SH3PXD2A: variants seen among roughly 807,000 people sequenced by gnomAD.
The protein encoded by SH3PXD2A is SH3 and PX domain-containing protein 2A.
SH3PXD2A carries 32 observed loss-of-function variants against 115.2 expected under a neutral mutation model. The ratio of observed to expected loss-of-function variants is 0.28; its 90% CI spans 0.21 to 0.37. SH3PXD2A has a LOEUF of 0.37. Ranked by LOEUF, SH3PXD2A falls within the 10% of genes least tolerant of loss-of-function variation. The pLI, the probability that SH3PXD2A is intolerant of heterozygous loss-of-function variation, is 1.00. For synonymous variants in SH3PXD2A, 610 were observed against 629.1 expected, an observed-to-expected ratio of 0.97 and a Z score of 0.45; for missense variants, 1,328 against 1,498.7, an observed-to-expected ratio of 0.89 and a Z score of 1.88.
chr10:103,825,461 TA>T (rs1432485180), intron 1 of SH3PXD2A, among the ~76,000 whole-genome samples: 1 of 152,234 alleles, frequency 6.6e-6, no homozygotes, highest in African/African-American at 2.4e-5. Flanking sequence ...TTGATGCTAA[TA>T]AAAATGGAAT....
In SH3PXD2A at chr10:103,594,989, T is replaced by C. The variant is rs772712345; in HGVS notation, c.*6827A>G. On this transcript the variant is annotated 3_prime_UTR_variant, in exon 15 of 15. Transcript: ENST00000369774. ...CTGTATGACCCATTGTGGTCACTGC[T>C]CTTTGAGCCATACAACTTGAGAGAC... 2.6e-5 allele frequency: 4 copies of C among 152,224 alleles called. No homozygotes were observed. Among genetic ancestry groups the C allele is most frequent in the African/African-American group, 4.8e-5 (2 of 41,450 alleles). The allele number at this position is 152,224 out of a possible 1,614,324, so 9.4% of individuals were successfully genotyped here.
Position 103,668,644 on chromosome 10 carries a change from A to G in SH3PXD2A, c.436T>C (p.Ser146Pro). 1 of 1,560,106 alleles carries G rather than the reference A, an allele frequency of 6.4e-7. No individual in the cohort carries two copies. Among genetic ancestry groups the G allele is most frequent in the South Asian group, 1.2e-5 (1 of 84,600 alleles). Residue 146 changes from serine (S) to proline (P), a missense_variant, in exon 7 of 15, where the codon TCC becomes CCC. Coordinates refer to ENST00000369774, the MANE Select transcript of SH3PXD2A (RefSeq NM_001394015.1). ...GSSKRKSVWL[S>P]SWAESPKKDV... ...TTCTTGGGCGACTCAGCCCAGCTGGACAGCCACACTTCCGAGTCCCCGAGA... is the reference window on the plus strand; with the variant it reads ...TTCTTGGGCGACTCAGCCCAGCTGGGCAGCCACACTTCCGAGTCCCCGAGA...
intron 1 of SH3PXD2A, among the ~76,000 whole-genome samples, chr10:103,814,018 A>C (rs1341452261): frequency 7.1e-6 from 1 of 141,600 alleles, no homozygotes; most frequent in Non-Finnish European, 1.5e-5. Context: ...AAAAAAAACA[A>C]CAAAAAAAAA....
At chr10:103,636,363 C>T (rs1033743801) in intron 8 of SH3PXD2A, among the ~76,000 whole-genome samples, 12 of 148,960 alleles carry the variant, frequency 8.1e-5, no homozygotes, top group Admixed American at 3.4e-4. Flanking sequence ...GAGTCGAGAT[C>T]GTACCACTGC....
intron 1 of SH3PXD2A, among the ~76,000 whole-genome samples, chr10:103,827,159 C>T (rs912975342): frequency 1.7e-4 from 26 of 152,206 alleles, no homozygotes; most frequent in African/African-American, 5.8e-4. Context: ...GTCACCTCTT[C>T]GGAGCCATGG....
chr10:103,854,647 T>A (rs1842923670), intron 1 of SH3PXD2A, among the ~76,000 whole-genome samples: 1 of 152,124 alleles, frequency 6.6e-6, no homozygotes, highest in Non-Finnish European at 1.5e-5. Flanking sequence ...ACACAATGGC[T>A]TTATGAGGGA....
chr10:103,607,691 C>T (rs984740235), intron 13 of SH3PXD2A, among the ~76,000 whole-genome samples: 9 of 152,156 alleles, frequency 5.9e-5, no homozygotes, highest in South Asian at 2.1e-4. Flanking sequence ...ATGACAATGG[C>T]GGTTTTGTGG....
chr10:103,791,300 G>C (rs1456701127), intron 2 of SH3PXD2A, among the ~76,000 whole-genome samples: 1 of 152,230 alleles, frequency 6.6e-6, no homozygotes, highest in East Asian at 1.9e-4. Flanking sequence ...GAGTCCATTA[G>C]GAATAGGATT....
At chr10:103,623,269 G>GCCC (rs1491033776) in intron 9 of SH3PXD2A, among the ~76,000 whole-genome samples, 2 of 149,276 alleles carry the variant, frequency 1.3e-5, no homozygotes, top group East Asian at 2.0e-4. Flanking sequence ...GATGACAGGG[G>GCCC]CCCCCTCCCC....
At chr10:103,629,844 G>A (rs2036752407) in intron 8 of SH3PXD2A, among the ~76,000 whole-genome samples, 1 of 152,220 alleles carries the variant, frequency 6.6e-6, no homozygotes, top group African/African-American at 2.4e-5. Context: ...GAGACATCCA[G>A]CAGAGGCAAA....
intron 1 of SH3PXD2A, among the ~76,000 whole-genome samples, chr10:103,852,107 C>T (rs923622775): frequency 1.3e-5 from 2 of 152,210 alleles, no homozygotes; most frequent in Admixed American, 6.5e-5. Context: ...TCCCCAGGCA[C>T]AGCTCAGAAA....
chr10:103,749,654 C>T (rs936866826), intron 3 of SH3PXD2A: 3 of 152,248 alleles, frequency 2.0e-5, no homozygotes, highest in African/African-American at 7.2e-5. Flanking sequence ...TGACTCTTGC[C>T]TCGTGGTCCC....
Position 103,613,106 on chromosome 10 carries a change from G to A in SH3PXD2A, c.1005C>T (p.Ala335=), listed in dbSNP as rs1317876449. Residue 335 remains alanine, a synonymous_variant, in exon 12 of 15, where the codon GCC becomes GCT. Transcript: ENST00000369774. ...TGTTCCCAATGATCTCCACTGGGCC[G>A]GCCAGGTTCTTCTTCCGGGTTGGCA... ...DDLPTRKKNL[A]GPVEIIGNIM... is the part of the protein sequence containing the mutation. The A allele has an allele frequency of 9.3e-6, 15 of 1,613,928 alleles. No homozygotes were observed. The highest frequency in any genetic ancestry group is 1.2e-5 in the Non-Finnish European group (14 of 1,179,972).
intron 4 of SH3PXD2A, among the ~76,000 whole-genome samples, chr10:103,729,445 TATCA>T (rs1421622547): frequency 6.6e-6 from 1 of 152,266 alleles, no homozygotes; most frequent in African/African-American, 2.4e-5. Context: ...TTGTCTGATC[TATCA>T]ATCAATCTGA....
chr10:103,685,696 A>G (rs773761803), intron 6 of SH3PXD2A, among the ~76,000 whole-genome samples: 63 of 152,206 alleles, frequency 4.1e-4, no homozygotes, highest in Non-Finnish European at 9.0e-4. Flanking sequence ...AACCCCATGA[A>G]AAAAACCTGA....
At chr10:103,801,246 A>C in intron 2 of SH3PXD2A, 36 bp downstream of exon 2, 1 of 1,307,644 alleles carries the variant, frequency 7.6e-7, no homozygotes, top group Non-Finnish European at 1.1e-6. Flanking sequence ...CCCACCAGAG[A>C]GACTTGGGCC....
rs1051725499 is a variant in SH3PXD2A at position 103,602,613 on chromosome 10, C to T, written c.2605G>A (p.Val869Met). 2 of 1,614,122 alleles carry T rather than the reference C, an allele frequency of 1.2e-6. No individual in the cohort carries two copies. Among genetic ancestry groups the T allele is most frequent in the Admixed American group, 1.7e-5 (1 of 60,016 alleles). Residue 869 changes from valine to methionine, a missense_variant, in exon 15 of 15, where the codon GTG becomes ATG. Coordinates refer to ENST00000369774, the MANE Select transcript of SH3PXD2A (RefSeq NM_001394015.1). The part of the protein sequence containing the change: ...ISFPAGVEVQ[V>M]LEKQESGWWY... Reference sequence around the variant, plus strand: ...CACCCGCTCTCCTGCTTCTCCAGCACCTGCACCTCCACGCCCGCGGGGAAG... The same window carrying T: ...CACCCGCTCTCCTGCTTCTCCAGCATCTGCACCTCCACGCCCGCGGGGAAG...
intron 8 of SH3PXD2A, among the ~76,000 whole-genome samples, chr10:103,631,187 C>A (rs776291521): frequency 3.7e-4 from 57 of 152,214 alleles, no homozygotes; most frequent in Middle Eastern, 3.4e-3. Flanking sequence ...ATCAGTCGAG[C>A]CCAGGAGTTT....
chr10:103,607,873 A>G (rs1215646835), intron 13 of SH3PXD2A, among the ~76,000 whole-genome samples: 1 of 152,090 alleles, frequency 6.6e-6, no homozygotes. Context: ...TGCTCTCTGA[A>G]ACATGTGCTG....
Sources: allele counts gnomAD v4.1 joint callset (sites outside exome capture counted in the v4.1 genomes callset), GRCh38; gene constraint gnomAD v4.1.1; transcripts MANE v1.5; gene names NCBI Gene and HGNC (gene_info 2026-07-23, HGNC 2026-07-21).